Variants in MYBPC1 observed in about 807,000 individuals in gnomAD.
MYBPC1 encodes myosin-binding protein C, slow-type.
A neutral mutation model predicts 147.1 loss-of-function variants in MYBPC1; 52 were observed. The observed-to-expected ratio is 0.35, with a 90% CI of 0.28 to 0.45. MYBPC1 has a LOEUF of 0.45. Ranked by LOEUF, MYBPC1 falls within the 20% of genes least tolerant of loss-of-function variation. The pLI, the probability that MYBPC1 is intolerant of heterozygous loss-of-function variation, is 1.00. For synonymous variants in MYBPC1, 477 were observed against 475.9 expected, an observed-to-expected ratio of 1.00 and a Z score of -0.03; for missense variants, 1,228 against 1,440.3, an observed-to-expected ratio of 0.85 and a Z score of 2.39.
At chr12:101,611,411 CTT>C (rs57445288) in intron 1 of MYBPC1, among the ~76,000 whole-genome samples, 4,873 of 152,290 alleles carry the variant, frequency 0.032, 259 homozygotes, top group African/African-American at 0.11. Flanking sequence ...AGATGATTCT[CTT>C]TTACGTATTT....
In MYBPC1 at chr12:101,632,045, A is replaced by G; in HGVS notation, c.463A>G (p.Ile155Val). The change falls in exon 8 of 32, where the codon ATC (isoleucine) becomes GTC (valine). Residue 155 changes from isoleucine (I) to valine (V), a missense_variant. Coordinates refer to ENST00000361466, the MANE Select transcript of MYBPC1 (RefSeq NM_002465.4). ...SRVYTFEMQI[I>V]KAKDNFAGNY... The stretch of plus-strand genomic sequence containing the variant: ...GGTGTACACATTTGAGATGCAGATC[A>G]TCAAGGCCAAAGATAACTTTGCAGG... The G allele has an allele frequency of 1.9e-6, 3 of 1,613,696 alleles. No individual in the cohort carries two copies. Among genetic ancestry groups the G allele is most frequent in the East Asian group, 4.5e-5 (2 of 44,886 alleles).
intron 2 of MYBPC1, among the ~76,000 whole-genome samples, chr12:101,616,011 GT>G (rs79888156): frequency 0.053 from 8,123 of 152,076 alleles, 438 homozygotes; most frequent in East Asian, 0.25. Context: ...AGCAGAGATT[GT>G]TTTTCAGGAG....
chr12:101,634,859 GAAAGACACTTTCA>G (rs1890682690), intron 9 of MYBPC1, among the ~76,000 whole-genome samples: 1 of 152,174 alleles, frequency 6.6e-6, no homozygotes, highest in South Asian at 2.1e-4. Context: ...AGTTGCCTTA[GAAAGACACTTTCA>G]ATTTATTCAT....
intron 2 of MYBPC1, 82 bp from the exon 3 acceptor site, chr12:101,617,120 C>A: frequency 7.7e-7 from 1 of 1,293,866 alleles, no homozygotes; most frequent in Non-Finnish European, 1.1e-6. Context: ...TATTTCTTCC[C>A]TCCCCCTCTC....
At chr12:101,652,965 A>G (rs1894796721) in intron 17 of MYBPC1, 150 bp from the exon 18 acceptor site, 2 of 1,194,642 alleles carry the variant, frequency 1.7e-6, no homozygotes, top group Admixed American at 2.1e-5. Context: ...ATGGTTTTGC[A>G]AGGTGCCAGG....
chr12:101,686,446 A>G (rs1384040751), downstream of MYBPC1, among the ~76,000 whole-genome samples: 3 of 152,236 alleles, frequency 2.0e-5, no homozygotes, highest in Non-Finnish European at 4.4e-5. Context: ...GACCTATTAC[A>G]GAGTTAGGGT....
At chr12:101,651,847 T>C in intron 16 of MYBPC1, among the ~76,000 whole-genome samples, 1 of 152,144 alleles carries the variant, frequency 6.6e-6, no homozygotes, top group Non-Finnish European at 1.5e-5. Flanking sequence ...GGTGGGAGGA[T>C]GGCTTGAACC....
chr12:101,678,112 C>T lies in MYBPC1; in HGVS notation c.3120C>T (p.Tyr1040=), dbSNP rs2136817630. ...SAVIARDGKI[Y]KNPVYEDFDF... is the part of the protein sequence containing the mutation. ...ATGCTTGTTTTTAAGGTAAAATCTA[C>T]AAAAATCCAGTGTATGAAGACTTTG... Residue 1040 remains tyrosine (Y), a synonymous_variant, in exon 28 of 32, where the codon TAC becomes TAT. Coordinates refer to ENST00000361466, the MANE Select transcript of MYBPC1 (RefSeq NM_002465.4). 1 of 1,613,454 alleles carries T rather than the reference C, an allele frequency of 6.2e-7. No homozygotes were observed. Among genetic ancestry groups the T allele is most frequent in the Non-Finnish European group, 8.5e-7 (1 of 1,179,418 alleles).
At position 101,648,037 on chromosome 12, in the gene MYBPC1, T is replaced by C. The variant is rs757786139; in HGVS notation, c.1091-8T>C. ...TAATGATTCTGATTTCCCCTTTTTG[T>C]ATACTAGAGCCTCCAATTATGGTGA... On this transcript the variant is annotated splice_polypyrimidine_tract_variant and splice_region_variant and intron_variant, in intron 13 of 31. Transcript: ENST00000361466. 2 of 1,597,058 alleles carry C rather than the reference T, an allele frequency of 1.3e-6. No individual in the cohort carries two copies. The highest frequency in any genetic ancestry group is 4.5e-5 in the East Asian group (2 of 44,730).
chr12:101,599,624 C>T (rs1878994895), intron 1 of MYBPC1, among the ~76,000 whole-genome samples: 1 of 152,130 alleles, frequency 6.6e-6, no homozygotes, highest in Non-Finnish European at 1.5e-5. Context: ...ATCTTATATA[C>T]AAATATTATC....
intron 8 of MYBPC1, among the ~76,000 whole-genome samples, chr12:101,633,161 C>A (rs1890254044): frequency 6.6e-6 from 1 of 152,178 alleles, no homozygotes; most frequent in Admixed American, 6.5e-5. Context: ...GGTCACTATA[C>A]CTCTGCCTGG....
chr12:101,670,013 A>T (rs2136641618), intron 23 of MYBPC1: 2 of 468,008 alleles, frequency 4.3e-6, no homozygotes, highest in South Asian at 2.1e-5. Flanking sequence ...TTTTTCTATA[A>T]AGTTGCTTTA....
At chr12:101,665,981 G>A (rs1024919282) in intron 22 of MYBPC1, among the ~76,000 whole-genome samples, 1 of 152,168 alleles carries the variant, frequency 6.6e-6, no homozygotes, top group African/African-American at 2.4e-5. Flanking sequence ...TAGAACAAGA[G>A]AGAGGCAAAA....
chr12:101,690,003 C>T (rs996978554), downstream of MYBPC1, among the ~76,000 whole-genome samples: 2 of 152,070 alleles, frequency 1.3e-5, no homozygotes, highest in African/African-American at 2.4e-5. Flanking sequence ...GGCGAAAACC[C>T]GTCTCTACTA....
intron 18 of MYBPC1, among the ~76,000 whole-genome samples, chr12:101,654,700 A>G (rs1478107497): frequency 6.6e-6 from 1 of 152,226 alleles, no homozygotes; most frequent in African/African-American, 2.4e-5. Context: ...AGAAAGGAAC[A>G]TATGAAAGGA....
chr12:101,632,924 G>A (rs1013969344), intron 8 of MYBPC1, among the ~76,000 whole-genome samples: 3 of 152,044 alleles, frequency 2.0e-5, no homozygotes, highest in African/African-American at 7.3e-5. Context: ...TAGAAGAGAC[G>A]GGATTTCGCC....
Position 101,636,679 on chromosome 12 carries a change from G to T in MYBPC1, c.616G>T (p.Gly206Cys), listed in dbSNP as rs962133826. ...TTCTTTTGTTAACGACAGTGGAGAA[G>T]GTCAAGAGGATGCAGGAGAACTTGA... ...IRSAFKRSGE[G>C]QEDAGELDFS... Residue 206 changes from glycine to cysteine, a missense_variant, in exon 10 of 32, where the codon GGT becomes TGT. By Grantham distance (159) the Gly-to-Cys change is radical. This residue lies in a region of MYBPC1 where 1,077 missense variants were observed against 1,314.2 expected (regional missense o/e 0.82). Transcript: ENST00000361466. 1.9e-6 allele frequency: 3 copies of T among 1,613,624 alleles called. No homozygotes were observed. Among genetic ancestry groups the T allele is most frequent in the South Asian group, 1.1e-5 (1 of 91,064 alleles).
chr12:101,626,503 T>A (rs10860756), intron 3 of MYBPC1, among the ~76,000 whole-genome samples: 28,104 of 152,022 alleles, frequency 0.18, 3,444 homozygotes, highest in African/African-American at 0.33. Context: ...ATGAATAAGG[T>A]CTGCCATTCA....
intron 5 of MYBPC1, 55 bp downstream of exon 5, chr12:101,627,859 G>T: frequency 6.5e-7 from 1 of 1,547,950 alleles, no homozygotes; most frequent in Non-Finnish European, 8.9e-7. Flanking sequence ...AATCACTAAT[G>T]AGCTCATTTC....
Sources: gnomAD v4.1 joint callset for allele counts (sites outside exome capture counted in the v4.1 genomes callset) on GRCh38, gnomAD v4.1.1 for gene constraint, gnomAD v4.1.1 regional missense constraint, MANE v1.5 for transcripts, NCBI Gene and HGNC (gene_info 2026-07-23, HGNC 2026-07-21) for gene names.